The following COL25A1 variants were observed in gnomAD, a reference collection of about 807,000 sequenced individuals.
COL25A1 encodes collagen type XXV alpha 1 chain.
COL25A1 carries 103 observed loss-of-function variants against 128.4 expected under a neutral mutation model. The ratio of observed to expected loss-of-function variants is 0.80; its 90% CI spans 0.68 to 0.94. The LOEUF (loss-of-function observed/expected upper bound fraction) is 0.94, where lower values mean the gene tolerates loss of function less well. Ranked by LOEUF, COL25A1 falls within the 40% of genes least tolerant of loss-of-function variation. The pLI, the probability that COL25A1 is intolerant of heterozygous loss-of-function variation, is 0.00. For missense variants in COL25A1, 745 were observed against 840.0 expected, an observed-to-expected ratio of 0.89 and a Z score of 1.40; for synonymous variants, 279 against 277.2, an observed-to-expected ratio of 1.01 and a Z score of -0.06.
chr4:109,196,735 G>C lies in COL25A1; in HGVS notation c.367+103848C>G, dbSNP rs187075485. 2.3e-3 allele frequency among the ~76,000 whole-genome samples: 344 copies of C among 152,304 alleles called. 1 individual carries two copies. Among genetic ancestry groups the C allele is most frequent in the African/African-American group, 7.6e-3 (316 of 41,572 alleles). On this transcript the variant is annotated intron_variant, in intron 3 of 37. Transcript: ENST00000399132. ...TACATATGTTACACTCCCAGACTAT[G>C]TCTGTAGTGGATTTAGCAGAAAGCT...
rs1730877668 is a variant in COL25A1 at position 108,812,552 on chromosome 4, T to C, written c.*1375A>G. The C allele has an allele frequency of 6.6e-6, 1 of 152,198 alleles. No individual in the cohort carries two copies. The highest frequency in any genetic ancestry group is 2.4e-5 in the African/African-American group (1 of 41,466). 9.4% of individuals were successfully genotyped at this position (152,198 alleles called of 1,614,324 possible). ...CAAGAGAGAAGTTAGTAAAAGGTCA[T>C]TTTGACTACTGGAGCCAAATTATTA... On this transcript the variant is annotated 3_prime_UTR_variant, in exon 38 of 38. Coordinates refer to ENST00000399132, the MANE Select transcript of COL25A1 (RefSeq NM_198721.4).
chr4:109,158,163 G>C (rs1032249414), intron 3 of COL25A1, among the ~76,000 whole-genome samples: 5 of 152,058 alleles, frequency 3.3e-5, no homozygotes, highest in Admixed American at 3.3e-4. Context: ...TCCAGCCTAT[G>C]GAGAGTTATG....
chr4:108,964,725 T>A (rs1751102513), intron 8 of COL25A1, among the ~76,000 whole-genome samples: 1 of 152,164 alleles, frequency 6.6e-6, no homozygotes, highest in Admixed American at 6.5e-5. Flanking sequence ...TTTACAAATA[T>A]TCCTGGGTTC....
At chr4:109,091,884 T>C (rs1297365409) in intron 3 of COL25A1, among the ~76,000 whole-genome samples, 2 of 152,148 alleles carry the variant, frequency 1.3e-5, no homozygotes, top group Non-Finnish European at 2.9e-5. Flanking sequence ...GAGTGAGTTT[T>C]CCAAGATTCA....
At chr4:109,123,461 A>G (rs1047382247) in intron 3 of COL25A1, among the ~76,000 whole-genome samples, 29 of 152,076 alleles carry the variant, frequency 1.9e-4, no homozygotes, top group Non-Finnish European at 2.9e-4. Context: ...GCCCATATTA[A>G]TAATGTGAGC....
chr4:109,254,503 A>ATATATATG (rs1553968411), intron 3 of COL25A1, among the ~76,000 whole-genome samples: 3 of 113,900 alleles, frequency 2.6e-5, no homozygotes, highest in Non-Finnish European at 3.6e-5. Flanking sequence ...ATATATATAT[A>ATATATATG]TATGTATGTG....
intron 3 of COL25A1, among the ~76,000 whole-genome samples, chr4:109,080,236 A>C (rs749417413): frequency 9.9e-5 from 15 of 152,170 alleles, no homozygotes; most frequent in Admixed American, 8.5e-4. Context: ...GGCATAGTGA[A>C]GTTAAATAAT....
At chr4:108,964,701 G>A (rs751565943) in intron 8 of COL25A1, among the ~76,000 whole-genome samples, 17 of 151,968 alleles carry the variant, frequency 1.1e-4, no homozygotes, top group African/African-American at 3.6e-4. Flanking sequence ...TAAATTGACC[G>A]ATATTAGGAC....
At chr4:109,129,208 T>C (rs904642952) in intron 3 of COL25A1, among the ~76,000 whole-genome samples, 7 of 152,000 alleles carry the variant, frequency 4.6e-5, no homozygotes, top group African/African-American at 1.7e-4. Flanking sequence ...TGGCTCACCG[T>C]AACCTCCACC....
Position 109,102,437 on chromosome 4 carries a change from T to C in COL25A1, c.368-52258A>G, listed in dbSNP as rs185345478. Reference sequence around the variant, plus strand: ...TGGTCCAGAAATATAGTCTAGCTGTTGAATGTTCCATGTGCACTTAAACAG... The same window carrying C: ...TGGTCCAGAAATATAGTCTAGCTGTCGAATGTTCCATGTGCACTTAAACAG... On this transcript the variant is annotated intron_variant, in intron 3 of 37. Coordinates refer to ENST00000399132, the MANE Select transcript of COL25A1 (RefSeq NM_198721.4). 2.4e-3 allele frequency among the ~76,000 whole-genome samples: 358 copies of C among 152,272 alleles called. 2 individuals are homozygous for C. Among genetic ancestry groups the C allele is most frequent in the African/African-American group, 8.3e-3 (345 of 41,556 alleles).
intron 3 of COL25A1, among the ~76,000 whole-genome samples, chr4:109,086,000 C>A (rs1764331470): frequency 6.6e-6 from 1 of 152,188 alleles, no homozygotes; most frequent in Admixed American, 6.5e-5. Context: ...AAGGAAGCCC[C>A]AGGAGGACAC....
chr4:109,228,010 T>A (rs527299221), intron 3 of COL25A1, among the ~76,000 whole-genome samples: 1 of 152,274 alleles, frequency 6.6e-6, no homozygotes, highest in East Asian at 1.9e-4. Flanking sequence ...CTGGTATAAG[T>A]CCTGGAGTCC....
intron 5 of COL25A1, among the ~76,000 whole-genome samples, chr4:109,044,804 T>C (rs894195319): frequency 6.6e-6 from 1 of 152,132 alleles, no homozygotes; most frequent in Non-Finnish European, 1.5e-5. Flanking sequence ...CTTGAGGAGA[T>C]AGTTGAATAA....
chr4:108,827,805 A>G (rs1162157879), intron 32 of COL25A1, among the ~76,000 whole-genome samples: 5 of 152,100 alleles, frequency 3.3e-5, no homozygotes, highest in Non-Finnish European at 5.9e-5. Flanking sequence ...ACAGGCTTGA[A>G]CTACAGTGTG....
At chr4:109,136,530 A>T (rs1204951397) in intron 3 of COL25A1, among the ~76,000 whole-genome samples, 1 of 152,240 alleles carries the variant, frequency 6.6e-6, no homozygotes, top group Non-Finnish European at 1.5e-5. Flanking sequence ...TAATACTCAA[A>T]CTGTAGTCTG....
chr4:109,139,445 G>C (rs889813051), intron 3 of COL25A1, among the ~76,000 whole-genome samples: 2 of 152,050 alleles, frequency 1.3e-5, no homozygotes, highest in African/African-American at 4.8e-5. Flanking sequence ...TTCTTCAAGG[G>C]TTTTTATGGT....
At chr4:109,003,289 C>A (rs900009966) in intron 6 of COL25A1, among the ~76,000 whole-genome samples, 2 of 152,156 alleles carry the variant, frequency 1.3e-5, no homozygotes, top group Non-Finnish European at 2.9e-5. Flanking sequence ...ATTAAAAAAA[C>A]CAGAACTACC....
At chr4:109,224,294 A>G (rs1778626979) in intron 3 of COL25A1, among the ~76,000 whole-genome samples, 1 of 152,194 alleles carries the variant, frequency 6.6e-6, no homozygotes, top group Non-Finnish European at 1.5e-5. Flanking sequence ...AAAAAAGGTC[A>G]TTGGAATTGC....
intron 22 of COL25A1, among the ~76,000 whole-genome samples, chr4:108,862,006 C>T (rs1003023537): frequency 1.3e-5 from 2 of 152,060 alleles, no homozygotes; most frequent in Non-Finnish European, 2.9e-5. Context: ...TAGTAGCTAA[C>T]AGCATTTTAA....
Sources: allele counts gnomAD v4.1 joint callset (sites outside exome capture counted in the v4.1 genomes callset), GRCh38; gene constraint gnomAD v4.1.1; transcripts MANE v1.5; gene names NCBI Gene and HGNC (gene_info 2026-07-23, HGNC 2026-07-21).